TRAT1: variants seen among roughly 807,000 people sequenced by gnomAD.
TRAT1 encodes the protein T-cell receptor-associated transmembrane adapter 1.
TRAT1 carries 20 observed loss-of-function variants against 20.0 expected under a neutral mutation model. That is an observed-to-expected ratio of 1.00 (90% confidence interval 0.70 to 1.45). The LOEUF is 1.45. TRAT1 is among the 40% of genes most tolerant of loss of function. The pLI is 0.00. For missense variants in TRAT1, 237 were observed against 224.1 expected (o/e 1.06, Z -0.37); for synonymous variants, 77 against 74.2 (o/e 1.04, Z -0.20).
chr3:108,846,453 T>C (rs1945943096), intron 3 of TRAT1, among the ~76,000 whole-genome samples: 1 of 152,206 alleles, frequency 6.6e-6, no homozygotes, highest in Admixed American at 6.5e-5. Flanking sequence ...TTTGATACAA[T>C]GTATGTAAAA....
rs113837588 is a variant in TRAT1 at position 108,833,286 on chromosome 3, C to T, written c.118+2506C>T. Among the ~76,000 whole-genome samples the T allele has an allele frequency of 7.7e-3, 1,170 of 152,170 alleles. 22 individuals are homozygous for T. The highest frequency in any genetic ancestry group is 0.026 in the African/African-American group (1,086 of 41,514). ...TACAAAAATTAGCTGGGCATAGTGG[C>T]GCATGCCTGTAATCCCAGCTACTCG... On this transcript the variant is annotated intron_variant, in intron 2 of 5. Coordinates refer to ENST00000295756, the MANE Select transcript of TRAT1 (RefSeq NM_016388.4).
At chr3:108,849,092 T>G in intron 4 of TRAT1, 74 bp from the exon 5 acceptor site, 1 of 1,257,054 alleles carries the variant, frequency 8.0e-7, no homozygotes, top group Non-Finnish European at 1.1e-6. Flanking sequence ...AAATGTTGTT[T>G]GGATCATGTA....
At chr3:108,835,748 A>G (rs747596449) in intron 2 of TRAT1, among the ~76,000 whole-genome samples, 2 of 151,550 alleles carry the variant, frequency 1.3e-5, no homozygotes, top group Non-Finnish European at 2.9e-5. Context: ...CTTTCCTTCC[A>G]TCTAAACATC....
At chr3:108,824,634 A>T (rs1168946876) in intron 1 of TRAT1, among the ~76,000 whole-genome samples, 1 of 152,212 alleles carries the variant, frequency 6.6e-6, no homozygotes, top group Non-Finnish European at 1.5e-5. Context: ...ATTGGCTTCC[A>T]TTGTTCTGTT....
chr3:108,836,164 C>T (rs1029623081), intron 2 of TRAT1, among the ~76,000 whole-genome samples: 1 of 152,116 alleles, frequency 6.6e-6, no homozygotes, highest in Non-Finnish European at 1.5e-5. Flanking sequence ...GTGATCTGCC[C>T]ACCTTGGCCT....
rs1559822508 is a variant in TRAT1, at chr3:108,838,354, GATGA to G, written c.119-579_119-576del. Among the ~76,000 whole-genome samples, 10 of 35,756 alleles carry G rather than the reference GATGA, an allele frequency of 2.8e-4. 1 individual carries two copies. In the African/African-American group the frequency reaches 3.7e-3, roughly 13 times the overall value. The allele number at this position is 35,756 out of a possible 152,430, so 23.5% of individuals were successfully genotyped here. On this transcript the variant is annotated intron_variant, in intron 2 of 5. Coordinates refer to ENST00000295756, the MANE Select transcript of TRAT1 (RefSeq NM_016388.4). ...GATAGATAGATGATAGATATAGATA[GATGA>G]TAGATAGATAGATAGATAGATAGAT...
intron 2 of TRAT1, among the ~76,000 whole-genome samples, chr3:108,831,776 C>G (rs925073996): frequency 1.3e-5 from 2 of 152,056 alleles, no homozygotes; most frequent in African/African-American, 4.8e-5. Flanking sequence ...CTCTTGTTCT[C>G]AAGCCATCCT....
chr3:108,823,493 T>C (rs1312735092), intron 1 of TRAT1, among the ~76,000 whole-genome samples: 1 of 152,206 alleles, frequency 6.6e-6, no homozygotes, highest in Non-Finnish European at 1.5e-5. Flanking sequence ...TGATGGTTCA[T>C]TCCTCCTGTA....
chr3:108,837,848 T>G (rs1478106014), intron 2 of TRAT1, among the ~76,000 whole-genome samples: 3 of 152,216 alleles, frequency 2.0e-5, no homozygotes, highest in East Asian at 3.8e-4. Flanking sequence ...ATGTTAAGAC[T>G]GTACCCTGAT....
intron 3 of TRAT1, chr3:108,839,216 C>A: frequency 2.1e-6 from 1 of 484,128 alleles, no homozygotes; most frequent in South Asian, 3.1e-5. Flanking sequence ...AACCTGATAA[C>A]TATAGAATTA....
intron 1 of TRAT1, among the ~76,000 whole-genome samples, chr3:108,824,822 A>G (rs886728830): frequency 6.6e-6 from 1 of 152,236 alleles, no homozygotes; most frequent in African/African-American, 2.4e-5. Context: ...GTATAATTCC[A>G]TGAGCTGATG....
At chr3:108,828,945 C>T (rs1428776760) in intron 1 of TRAT1, among the ~76,000 whole-genome samples, 1 of 151,918 alleles carries the variant, frequency 6.6e-6, no homozygotes, top group Non-Finnish European at 1.5e-5. Context: ...TGGGTAGATC[C>T]AGGTAGTTTC....
At chr3:108,828,260 C>T (rs1268011290) in intron 1 of TRAT1, among the ~76,000 whole-genome samples, 4 of 151,948 alleles carry the variant, frequency 2.6e-5, no homozygotes, top group African/African-American at 4.8e-5. Context: ...GAAAGGAGAT[C>T]GATTTTTATT....
At chr3:108,849,117 A>G (rs1945972756) in intron 4 of TRAT1, 49 bp from the exon 5 acceptor site, 2 of 1,445,600 alleles carry the variant, frequency 1.4e-6, no homozygotes, top group African/African-American at 1.4e-5. Context: ...TAATCATACT[A>G]GTATTTTTAA....
At chr3:108,832,739 A>C (rs1004651015) in intron 2 of TRAT1, among the ~76,000 whole-genome samples, 1 of 152,214 alleles carries the variant, frequency 6.6e-6, no homozygotes, top group African/African-American at 2.4e-5. Context: ...TAACAGGTAG[A>C]CATTGACATG....
In TRAT1 at chr3:108,839,057, T is replaced by G. The variant is rs1576521501; in HGVS notation, c.152+90T>G. The G allele has an allele frequency of 8.2e-6, 8 of 976,514 alleles. No homozygotes were observed. The East Asian group carries it at 2.0e-4, about 24-fold the overall frequency. 60.5% of individuals were successfully genotyped at this position (976,514 alleles called of 1,614,324 possible). ...TGTTTAAAGATTTGGCTCATGGATA[T>G]TGTACTTAGGTTAAAATGAAATGAA... On this transcript the variant is annotated intron_variant, in intron 3 of 5. Transcript: ENST00000295756.
At position 108,854,377 on chromosome 3, in the gene TRAT1, C is replaced by T. The variant is rs1198384647; in HGVS notation, c.*500C>T. ...GTATAGGAAACATTAAAATGCATTA[C>T]TAAGAGAAGTAATATAATTTTCTTA... On this transcript the variant is annotated 3_prime_UTR_variant, in exon 6 of 6. Transcript: ENST00000295756. 1.3e-5 allele frequency: 2 copies of T among 152,158 alleles called. No individual in the cohort carries two copies. The highest frequency in any genetic ancestry group is 4.8e-5 in the African/African-American group (2 of 41,394). The allele number at this position is 152,158 out of a possible 1,614,324, so 9.4% of individuals were successfully genotyped here. A position where few individuals can be genotyped will look rare whatever the true frequency, so the allele number is the denominator to read the frequency against.
chr3:108,824,031 C>G (rs1371883983), intron 1 of TRAT1, among the ~76,000 whole-genome samples: 2 of 152,038 alleles, frequency 1.3e-5, no homozygotes, highest in African/African-American at 4.8e-5. Flanking sequence ...GCCACCACGC[C>G]TGGCTAATTT....
chr3:108,845,114 C>T (rs1346579249), intron 3 of TRAT1, among the ~76,000 whole-genome samples: 1 of 152,082 alleles, frequency 6.6e-6, no homozygotes, highest in Non-Finnish European at 1.5e-5. Flanking sequence ...TAAAATACTG[C>T]CAAACATTTG....
Sources: gnomAD v4.1 joint callset for allele counts (sites outside exome capture counted in the v4.1 genomes callset) on GRCh38, gnomAD v4.1.1 for gene constraint, MANE v1.5 for transcripts, NCBI Gene and HGNC (gene_info 2026-07-23, HGNC 2026-07-21) for gene names.